Variants in PLCH2 observed in about 807,000 individuals in gnomAD.
PLCH2 encodes phospholipase C eta 2, also known as 1-phosphatidylinositol 4,5-bisphosphate phosphodiesterase eta-2.
Under a neutral mutation model 134.7 loss-of-function variants are expected in PLCH2, and 98 were observed. That is an observed-to-expected ratio of 0.73 (90% CI 0.62 to 0.86). The LOEUF (loss-of-function observed/expected upper bound fraction) is 0.86, where lower values mean the gene tolerates loss of function less well. PLCH2 is among the 40% of genes least tolerant of loss of function. The pLI is 0.00. For missense variants in PLCH2, 1,994 were observed against 1,986.6 expected (o/e 1.00, Z -0.07); for synonymous variants, 974 against 827.5 (o/e 1.18, Z -3.04).
intron 1 of PLCH2, among the ~76,000 whole-genome samples, chr1:2,477,790 G>T (rs1476404663): frequency 1.3e-5 from 2 of 152,234 alleles, no homozygotes; most frequent in Admixed American, 6.5e-5. Flanking sequence ...GCAGTGCAGG[G>T]CGTGCGACGC....
At chr1:2,423,255 A>G (rs1638608350), upstream of PLCH2, among the ~76,000 whole-genome samples, 1 of 152,066 alleles carries the variant, frequency 6.6e-6, no homozygotes, top group Non-Finnish European at 1.5e-5. Flanking sequence ...TGGCACCATC[A>G]CAGTTCACCG....
chr1:2,495,433 C>G, intron 12 of PLCH2, 55 bp from the exon 13 acceptor site: 1 of 1,491,016 alleles, frequency 6.7e-7, no homozygotes, highest in Non-Finnish European at 9.1e-7. Context: ...CAGCCTTCGC[C>G]AAGGCCTGGC....
At chr1:2,436,118 C>T (rs1267562763) in intron 2 of PLCH2, among the ~76,000 whole-genome samples, 1 of 126,762 alleles carries the variant, frequency 7.9e-6, no homozygotes, top group South Asian at 2.8e-4. Flanking sequence ...TCCTCCCCTC[C>T]TCCCTTCCTC....
At chr1:2,489,002 C>G (rs775160754) in intron 8 of PLCH2, among the ~76,000 whole-genome samples, 5 of 152,192 alleles carry the variant, frequency 3.3e-5, no homozygotes, top group Non-Finnish European at 7.3e-5. Context: ...TCTCCCAGCT[C>G]CTTTCCCATC....
chr1:2,451,505 C>G (rs1640224490), intron 2 of PLCH2, among the ~76,000 whole-genome samples: 1 of 152,206 alleles, frequency 6.6e-6, no homozygotes, highest in South Asian at 2.1e-4. Flanking sequence ...AGCCCCTCTA[C>G]TCCAGCCCCA....
At chr1:2,431,671 A>AG (rs1376061057) in intron 2 of PLCH2, among the ~76,000 whole-genome samples, 1 of 152,126 alleles carries the variant, frequency 6.6e-6, no homozygotes, top group African/African-American at 2.4e-5. Context: ...TATCAGGTCC[A>AG]GGGGCAACGG....
upstream of PLCH2, among the ~76,000 whole-genome samples, chr1:2,471,788 C>G (rs1194930617): frequency 1.3e-5 from 2 of 152,136 alleles, no homozygotes; most frequent in African/African-American, 2.4e-5. Context: ...TGCACACGGA[C>G]CAGGAGCCAC....
upstream of PLCH2, among the ~76,000 whole-genome samples, chr1:2,472,988 A>T (rs1326056029): frequency 6.6e-6 from 1 of 152,016 alleles, no homozygotes; most frequent in Non-Finnish European, 1.5e-5. Flanking sequence ...TCCCCAGGGG[A>T]GAGGCGGAGA....
chr1:2,497,467 G>A, intron 15 of PLCH2, 35 bp from the exon 16 acceptor site: 2 of 1,453,070 alleles, frequency 1.4e-6, no homozygotes. Flanking sequence ...GGAAGGTCAG[G>A]TGCTGACCAG....
intron 20 of PLCH2, chr1:2,500,067 A>G (rs1335304382): frequency 1.0e-5 from 4 of 384,230 alleles, no homozygotes; most frequent in Non-Finnish European, 1.9e-5. Context: ...GCTTCTCAGC[A>G]GGGACCGAGT....
intron 2 of PLCH2, among the ~76,000 whole-genome samples, chr1:2,458,624 C>T (rs1051255197): frequency 1.3e-5 from 2 of 152,134 alleles, no homozygotes; most frequent in Admixed American, 6.5e-5. Context: ...TCCATCTGTG[C>T]CCCTGGAGCA....
intron 2 of PLCH2, among the ~76,000 whole-genome samples, chr1:2,461,061 G>T (rs1324389429): frequency 6.6e-6 from 1 of 152,208 alleles, no homozygotes; most frequent in Non-Finnish European, 1.5e-5. Flanking sequence ...GTGGCCAGCA[G>T]CTCCTGACAG....
At chr1:2,420,762 G>C in the PLCH2 span, among the ~76,000 whole-genome samples, 1 of 152,198 alleles carries the variant, frequency 6.6e-6, no homozygotes, top group African/African-American at 2.4e-5. Flanking sequence ...TCGATTGGAG[G>C]GTGGAGTGAG....
In PLCH2 at chr1:2,504,536, C is replaced by T. The variant is rs760979954; in HGVS notation, c.3574C>T (p.Pro1192Ser). 1.0e-4 allele frequency: 161 copies of T among 1,612,616 alleles called. 4 individuals carry two copies. The South Asian group carries it at 1.7e-3, about 17-fold the overall frequency. Residue 1192 changes from proline (P) to serine (S), a missense_variant, in exon 22 of 22, where the codon CCA becomes TCA. Transcript: ENST00000378486. ...PRPHSASAAR[P>S]DLPPVTKSKS... ...GCCCCACTCGGCTTCGGCTGCCCGC[C>T]CAGACCTGCCACCTGTGACCAAGAG...
At chr1:2,503,542 C>T in intron 21 of PLCH2, 1 of 679,916 alleles carries the variant, frequency 1.5e-6, no homozygotes. Flanking sequence ...ACGGAGCCCG[C>T]CCCACACCAC....
rs1478723799 is a variant in PLCH2, at chr1:2,503,099, T to G, written c.2959+690T>G. 8 of 692,508 alleles carry G rather than the reference T, an allele frequency of 1.2e-5. No homozygotes were observed. The East Asian group carries it at 2.2e-4, about 19-fold the overall frequency. 42.9% of individuals were successfully genotyped at this position (692,508 alleles called of 1,614,324 possible). A position where few individuals can be genotyped will look rare whatever the true frequency, so the allele number is the denominator to read the frequency against. On this transcript the variant is annotated intron_variant, in intron 21 of 21. Coordinates refer to ENST00000378486, the MANE Select transcript of PLCH2 (RefSeq NM_014638.4). ...CTGTGGCCCATAGCCCCAGCCCTCCTGTCTGAGCTTGAGGCCCTGGGACTT... is the reference window on the plus strand; with the variant it reads ...CTGTGGCCCATAGCCCCAGCCCTCCGGTCTGAGCTTGAGGCCCTGGGACTT...
chr1:2,495,415 C>T, intron 12 of PLCH2, 73 bp from the exon 13 acceptor site: 2 of 1,326,456 alleles, frequency 1.5e-6, no homozygotes, highest in Admixed American at 2.1e-5. Flanking sequence ...AGGCCCTCCC[C>T]AACCCCCCAG....
chr1:2,481,747 C>T (rs888410807), intron 4 of PLCH2, among the ~76,000 whole-genome samples: 2 of 152,224 alleles, frequency 1.3e-5, no homozygotes, highest in African/African-American at 2.4e-5. Context: ...GGCCCAGTGG[C>T]CCTGGTCTTT....
chr1:2,439,954 G>A lies in PLCH2; in HGVS notation c.115+9325G>A, dbSNP rs997916093. Among the ~76,000 whole-genome samples, 2 of 152,128 alleles carry A rather than the reference G, an allele frequency of 1.3e-5. No individual in the cohort carries two copies. The highest frequency in any genetic ancestry group is 4.8e-5 in the African/African-American group (2 of 41,438). On this transcript the variant is annotated intron_variant, in intron 2 of 3. Transcript: ENST00000609981. This position sits in a 1 kb window ranked among gnomAD's most constrained non-coding sequence, Gnocchi z 4.7. ...TGTCCGGGACACTGCGGGGGACAAG[G>A]CAACCAGGGAGGCTTCCCAGAGGAG...
Sources: allele counts gnomAD v4.1 joint callset (sites outside exome capture counted in the v4.1 genomes callset), GRCh38; gene constraint gnomAD v4.1.1; non-coding constraint Gnocchi (gnomAD v3.1); transcripts MANE v1.5; gene names NCBI Gene and HGNC (gene_info 2026-07-23, HGNC 2026-07-21).